RC3H1: variants seen among roughly 807,000 people sequenced by gnomAD.
The protein encoded by RC3H1 is ring finger and CCCH-type domains 1.
RC3H1 carries 50 observed loss-of-function variants against 138.2 expected under a neutral mutation model. The observed-to-expected ratio is 0.36, with a 90% confidence interval of 0.29 to 0.46. The LOEUF is 0.46. Ranked by LOEUF, RC3H1 falls within the 20% of genes least tolerant of loss-of-function variation. The pLI is 1.00. For missense variants in RC3H1, 1,031 were observed against 1,388.1 expected (o/e 0.74, Z 4.09); for synonymous variants, 462 against 489.1 (o/e 0.94, Z 0.73).
intron 2 of RC3H1, among the ~76,000 whole-genome samples, chr1:173,987,048 G>T (rs1430810192): frequency 1.3e-5 from 2 of 152,066 alleles, no homozygotes; most frequent in Non-Finnish European, 2.9e-5. Flanking sequence ...GATCATAGGG[G>T]AAAAGTGCCA....
In RC3H1 at chr1:173,961,798, T is replaced by TC; in HGVS notation, c.2128dup (p.Glu710GlyfsTer30). On this transcript the variant is annotated frameshift_variant, in exon 12 of 20. Transcript: ENST00000367696. LOFTEE classifies it high-confidence loss of function. Reference sequence around the variant, plus strand: ...GTAACTCTCGATCTGTTGGTATCTTTCTCTGGATTCTGGTACATACGATGG... The same window carrying TC: ...GTAACTCTCGATCTGTTGGTATCTTTCCTCTGGATTCTGGTACATACGATGG... 1 of 1,613,578 alleles carries TC rather than the reference T, an allele frequency of 6.2e-7. No individual in the cohort carries two copies. Among genetic ancestry groups the TC allele is most frequent in the Non-Finnish European group, 8.5e-7 (1 of 1,180,002 alleles).
At chr1:174,016,643 T>A (rs1052043040) in intron 1 of RC3H1, among the ~76,000 whole-genome samples, 25 of 151,404 alleles carry the variant, frequency 1.7e-4, no homozygotes, top group African/African-American at 5.8e-4. Context: ...AAATTTTAAA[T>A]TTTTTTTGTA....
At chr1:173,989,766 C>T (rs1661189705) in intron 2 of RC3H1, among the ~76,000 whole-genome samples, 1 of 135,284 alleles carries the variant, frequency 7.4e-6, no homozygotes, top group Non-Finnish European at 1.5e-5. Context: ...GTCGCCCAGG[C>T]CGGATTGCGG....
chr1:173,931,894 T>C lies in RC3H1; in HGVS notation c.*6827A>G, dbSNP rs916390905. On this transcript the variant is annotated 3_prime_UTR_variant, in exon 20 of 20. Transcript: ENST00000367696. ...CAGCAATTAAAAAATCAGCTGTCAC[T>C]TTAAGGCTCAATTTTTTTTTTTCCT... 6.6e-6 allele frequency: 1 copy of C among 152,088 alleles called. No individual in the cohort carries two copies. The highest frequency in any genetic ancestry group is 6.5e-5 in the Admixed American group (1 of 15,268). 9.4% of individuals were successfully genotyped at this position (152,088 alleles called of 1,614,324 possible). A position where few individuals can be genotyped will look rare whatever the true frequency, so the allele number is the denominator to read the frequency against.
intron 15 of RC3H1, 57 bp downstream of exon 15, chr1:173,947,312 A>G: frequency 8.7e-7 from 1 of 1,147,710 alleles, no homozygotes; most frequent in Non-Finnish European, 1.3e-6. Flanking sequence ...GAGCAGGGGT[A>G]ATGCTGAAAG....
At chr1:173,958,900 T>A (rs1434581455) in intron 13 of RC3H1, among the ~76,000 whole-genome samples, 1 of 152,166 alleles carries the variant, frequency 6.6e-6, no homozygotes, top group East Asian at 1.9e-4. Flanking sequence ...TCCTCATTAC[T>A]GAGTTAAATA....
chr1:173,972,435 C>T, intron 8 of RC3H1, 74 bp downstream of exon 8: 1 of 973,776 alleles, frequency 1.0e-6, no homozygotes, highest in East Asian at 2.4e-5. Context: ...TGTAGGTATA[C>T]CCACAGTGGT....
chr1:173,941,941 A>G (rs1658883180), intron 18 of RC3H1, among the ~76,000 whole-genome samples: 3 of 98,364 alleles, frequency 3.0e-5, no homozygotes, highest in African/African-American at 6.9e-5. Context: ...CAAAAAAAGG[A>G]AAAAAAAAAA....
Position 173,943,529 on chromosome 1 carries a change from C to A in RC3H1, c.3048G>T (p.Trp1016Cys). 6.2e-7 allele frequency: 1 copy of A among 1,614,202 alleles called. No individual in the cohort carries two copies. Among genetic ancestry groups the A allele is most frequent in the Non-Finnish European group, 8.5e-7 (1 of 1,180,014 alleles). ...SQPPPPPPPK[W>C]PGMISSEQLS... ...ACTGCTCACTTGAGATCATCCCAGG[C>A]CATTTTGGAGGTGGCGGTGGTGGGG... The change falls in exon 18 of 20, where the codon TGG (tryptophan) becomes TGT (cysteine). Residue 1016 changes from tryptophan (W) to cysteine (C), a missense_variant. Physicochemically the swap from Trp to Cys is radical, Grantham distance 215. This residue lies in a region of RC3H1 where 716 missense variants were observed against 837.9 expected (regional missense o/e 0.85). Transcript: ENST00000367696.
At chr1:174,008,325 G>A (rs1661688022) in intron 1 of RC3H1, among the ~76,000 whole-genome samples, 1 of 152,094 alleles carries the variant, frequency 6.6e-6, no homozygotes, top group East Asian at 1.9e-4. Flanking sequence ...ATGCCTCCTA[G>A]AATTCAAACT....
intron 14 of RC3H1, among the ~76,000 whole-genome samples, chr1:173,948,333 T>A (rs1161855206): frequency 6.6e-6 from 1 of 152,134 alleles, no homozygotes; most frequent in African/African-American, 2.4e-5. Context: ...TTTAGCTCAT[T>A]AGAGCATCTT....
In RC3H1 at chr1:174,018,358, T is replaced by C. The variant is rs539170721; in HGVS notation, c.-151+3738A>G. Among the ~76,000 whole-genome samples, 10 of 152,056 alleles carry C rather than the reference T, an allele frequency of 6.6e-5. No homozygotes were observed. In the East Asian group the frequency reaches 1.9e-3, roughly 29 times the overall value. On this transcript the variant is annotated intron_variant, in intron 1 of 19. Transcript: ENST00000367696. ...TAAGAAGTATCTAATAAACAAAAAG[T>C]AAACAAGAATATTATATAAGTAAAC...
intron 17 of RC3H1, among the ~76,000 whole-genome samples, chr1:173,943,916 T>C (rs1659020344): frequency 6.6e-6 from 1 of 152,114 alleles, no homozygotes; most frequent in African/African-American, 2.4e-5. Flanking sequence ...TCTAGCACTT[T>C]GGGAAGCTGA....
rs1661096460 is a variant in RC3H1 at position 173,987,892 on chromosome 1, ATC to A, written c.232-3275_232-3274del. Among the ~76,000 whole-genome samples, 2 of 152,146 alleles carry A rather than the reference ATC, an allele frequency of 1.3e-5. 1 individual carries two copies. Among genetic ancestry groups the A allele is most frequent in the Admixed American group, 1.3e-4 (2 of 15,274 alleles). On this transcript the variant is annotated intron_variant, in intron 2 of 19. Coordinates refer to ENST00000367696, the MANE Select transcript of RC3H1 (RefSeq NM_172071.4). The stretch of plus-strand genomic sequence containing the variant: ...CACTCTAACCTCTTCCTCCTTGTTT[ATC>A]TGTTAACTGGCTCCAATCATTTCCC...
intron 1 of RC3H1, chr1:174,016,186 G>A (rs973478427): frequency 2.8e-4 from 43 of 152,004 alleles, no homozygotes; most frequent in African/African-American, 1.0e-3. Flanking sequence ...GGGTGACAGA[G>A]CAAGACTCCG....
Position 173,996,968 on chromosome 1 carries a change from G to A in RC3H1, c.-150-3833C>T, listed in dbSNP as rs188269171. Among the ~76,000 whole-genome samples, 7 of 152,020 alleles carry A rather than the reference G, an allele frequency of 4.6e-5. No homozygotes were observed. In the East Asian group the frequency reaches 5.8e-4, roughly 13 times the overall value. On this transcript the variant is annotated intron_variant, in intron 1 of 19. Coordinates refer to ENST00000367696, the MANE Select transcript of RC3H1 (RefSeq NM_172071.4). ...GGCACTGCCAGGCATGGTGGTTCAC[G>A]CCTGTAACCCCAGCACTCTGGGAGG...
intron 2 of RC3H1, among the ~76,000 whole-genome samples, chr1:173,988,563 T>C (rs187928294): frequency 1.3e-5 from 2 of 152,370 alleles, no homozygotes; most frequent in Admixed American, 1.3e-4. Context: ...GGTTTCTGTG[T>C]AGACATAAAT....
chr1:173,984,866 C>G (rs907344668), intron 2 of RC3H1, among the ~76,000 whole-genome samples: 1 of 152,180 alleles, frequency 6.6e-6, no homozygotes, highest in Non-Finnish European at 1.5e-5. Context: ...ATACAATTCC[C>G]TGGTTTTCAG....
intron 18 of RC3H1, among the ~76,000 whole-genome samples, chr1:173,942,360 G>C (rs1422036095): frequency 1.4e-5 from 2 of 148,040 alleles, no homozygotes; most frequent in African/African-American, 5.0e-5. Context: ...TGGAACATGG[G>C]AGGCGGAGGT....
Sources: allele counts gnomAD v4.1 joint callset (sites outside exome capture counted in the v4.1 genomes callset), GRCh38; gene constraint gnomAD v4.1.1; regional missense constraint gnomAD v4.1.1; transcripts MANE v1.5; gene names NCBI Gene and HGNC (gene_info 2026-07-23, HGNC 2026-07-21).